FCHO2: variants seen among roughly 807,000 people sequenced by gnomAD.
FCHO2 encodes the protein F-BAR domain only protein 2.
FCHO2 carries 43 observed loss-of-function variants against 114.1 expected under a neutral mutation model. That is an observed-to-expected ratio of 0.38 (90% CI 0.30 to 0.49). FCHO2 has a LOEUF of 0.49. Ranked by LOEUF, FCHO2 falls within the 20% of genes least tolerant of loss-of-function variation. FCHO2 has a pLI of 0.97. For missense variants in FCHO2, 807 were observed against 950.4 expected (o/e 0.85, Z 1.98); for synonymous variants, 293 against 315.2 (o/e 0.93, Z 0.75).
chr5:73,057,449 G>A (rs957750034), intron 16 of FCHO2, among the ~76,000 whole-genome samples: 2 of 152,042 alleles, frequency 1.3e-5, no homozygotes, highest in South Asian at 2.1e-4. Flanking sequence ...GTAGGTGCAT[G>A]TTGAGATGCT....
intron 5 of FCHO2, chr5:72,996,843 G>A: frequency 1.0e-6 from 1 of 998,816 alleles, no homozygotes; most frequent in Non-Finnish European, 1.5e-6. Flanking sequence ...CCGGCAACGG[G>A]GGGCTGGCGG....
chr5:73,043,078 G>A (rs1272090533), intron 11 of FCHO2, among the ~76,000 whole-genome samples: 2 of 152,134 alleles, frequency 1.3e-5, no homozygotes, highest in East Asian at 3.9e-4. Flanking sequence ...ACAGGCACAT[G>A]TCACCATGCC....
At chr5:73,078,381 ATAAG>A (rs1742986523) in intron 22 of FCHO2, 69 bp downstream of exon 22, 1 of 1,364,234 alleles carries the variant, frequency 7.3e-7, no homozygotes, top group Non-Finnish European at 9.9e-7. Flanking sequence ...ATATAAATGA[ATAAG>A]TATGTCATAG....
At chr5:72,972,955 A>G (rs1398870482) in intron 2 of FCHO2, among the ~76,000 whole-genome samples, 1 of 152,204 alleles carries the variant, frequency 6.6e-6, no homozygotes, top group Non-Finnish European at 1.5e-5. Context: ...ATGTATTGAG[A>G]TAATCATGTG....
intron 2 of FCHO2, among the ~76,000 whole-genome samples, chr5:72,985,127 G>T (rs1205350232): frequency 6.6e-6 from 1 of 151,564 alleles, no homozygotes; most frequent in Non-Finnish European, 1.5e-5. Flanking sequence ...CTTAAAAATT[G>T]TCATTTAAAT....
intron 19 of FCHO2, among the ~76,000 whole-genome samples, chr5:73,070,248 G>A (rs1215320055): frequency 6.6e-6 from 1 of 152,128 alleles, no homozygotes; most frequent in East Asian, 1.9e-4. Flanking sequence ...AATGCAACTA[G>A]TGTGTGGCCA....
chr5:73,053,582 C>T (rs1045197967), intron 13 of FCHO2, among the ~76,000 whole-genome samples: 5 of 151,842 alleles, frequency 3.3e-5, no homozygotes, highest in Admixed American at 2.0e-4. Flanking sequence ...TTGGTCCTAG[C>T]TACTCAGGAG....
intron 1 of FCHO2, among the ~76,000 whole-genome samples, chr5:72,961,928 G>T (rs1167958853): frequency 6.6e-6 from 1 of 152,114 alleles, no homozygotes; most frequent in Non-Finnish European, 1.5e-5. Flanking sequence ...TTCCACAGAT[G>T]AGACCAAATA....
intron 18 of FCHO2, among the ~76,000 whole-genome samples, chr5:73,066,649 C>T (rs1156576808): frequency 6.9e-6 from 1 of 143,886 alleles, no homozygotes; most frequent in Non-Finnish European, 1.5e-5. Flanking sequence ...ACCAGATGCT[C>T]AAAGGAGTCT....
intron 24 of FCHO2, among the ~76,000 whole-genome samples, chr5:73,084,723 ATTCATTTACACCT>A (rs1743237691): frequency 6.6e-6 from 1 of 152,188 alleles, no homozygotes; most frequent in African/African-American, 2.4e-5. Flanking sequence ...TGTGTTGTTT[ATTCATTTACACCT>A]GCCATGCAGA....
At chr5:72,973,333 G>T (rs974525823) in intron 2 of FCHO2, among the ~76,000 whole-genome samples, 5 of 152,170 alleles carry the variant, frequency 3.3e-5, no homozygotes, top group Non-Finnish European at 7.3e-5. Flanking sequence ...ATCTGGTCCT[G>T]TACTCTTTTT....
intron 6 of FCHO2, among the ~76,000 whole-genome samples, chr5:73,013,983 C>G (rs1184105844): frequency 6.6e-6 from 1 of 151,734 alleles, no homozygotes; most frequent in Non-Finnish European, 1.5e-5. Flanking sequence ...CGTGCCTGGC[C>G]TCTCAGAGCT....
intron 19 of FCHO2, among the ~76,000 whole-genome samples, chr5:73,070,123 C>T (rs1175565037): frequency 2.0e-5 from 3 of 152,082 alleles, no homozygotes; most frequent in Non-Finnish European, 2.9e-5. Flanking sequence ...GGGAGTGGAA[C>T]TAGCAGTCGT....
intron 13 of FCHO2, among the ~76,000 whole-genome samples, chr5:73,053,210 G>A (rs1323609429): frequency 6.6e-6 from 1 of 152,028 alleles, no homozygotes; most frequent in Non-Finnish European, 1.5e-5. Flanking sequence ...TCATATTGTT[G>A]TCTAATTACA....
chr5:72,975,207 G>T (rs1406391537), intron 2 of FCHO2, among the ~76,000 whole-genome samples: 2 of 152,062 alleles, frequency 1.3e-5, no homozygotes, highest in Non-Finnish European at 2.9e-5. Context: ...GTTCCTCTGT[G>T]AAACAGTATT....
intron 1 of FCHO2, 103 bp downstream of exon 1, chr5:72,956,232 AG>A (rs2112568228): frequency 6.9e-7 from 1 of 1,453,784 alleles, no homozygotes; most frequent in African/African-American, 1.5e-5. Flanking sequence ...CCCCTCCGGC[AG>A]GGCGAGCGTC....
At chr5:72,982,351 A>T (rs1482329727) in intron 2 of FCHO2, among the ~76,000 whole-genome samples, 9 of 152,146 alleles carry the variant, frequency 5.9e-5, no homozygotes, top group African/African-American at 1.9e-4. Context: ...AGCTGTTCCT[A>T]TTCAGCCATC....
At chr5:72,971,738 C>T (rs971984094) in intron 2 of FCHO2, among the ~76,000 whole-genome samples, 12 of 152,250 alleles carry the variant, frequency 7.9e-5, no homozygotes, top group Admixed American at 7.9e-4. Flanking sequence ...GCTTTTGTTG[C>T]CATTGCTTTT....
rs147299325 is a variant in FCHO2, at chr5:73,079,092, A to G, written c.1980+780A>G. ...CTCTAGAAGAATAAAGCTTACAAGA[A>G]TAAGTCAAGAATTTTTTATTTTAAA... On this transcript the variant is annotated intron_variant, in intron 22 of 25. Coordinates refer to ENST00000430046, the MANE Select transcript of FCHO2 (RefSeq NM_138782.3). Among the ~76,000 whole-genome samples, 634 of 152,296 alleles carry G rather than the reference A, an allele frequency of 4.2e-3. 5 individuals carry two copies. Among genetic ancestry groups the G allele is most frequent in the Admixed American group, 0.013 (196 of 15,290 alleles).
Sources: gnomAD v4.1 joint callset for allele counts (sites outside exome capture counted in the v4.1 genomes callset) on GRCh38, gnomAD v4.1.1 for gene constraint, MANE v1.5 for transcripts, NCBI Gene and HGNC (gene_info 2026-07-23, HGNC 2026-07-21) for gene names.